Variants in PNPLA1 observed in about 807,000 individuals in gnomAD.
PNPLA1 encodes the protein patatin like domain 1, omega-hydroxyceramide transacylase, also known as omega-hydroxyceramide transacylase.
PNPLA1 carries 36 observed loss-of-function variants against 51.7 expected under a neutral mutation model. That is an observed-to-expected ratio of 0.70 (90% CI 0.53 to 0.92). PNPLA1 has a LOEUF of 0.92. Ranked by LOEUF, PNPLA1 falls within the 40% of genes least tolerant of loss-of-function variation. PNPLA1 has a pLI of 0.00. For synonymous variants in PNPLA1, 293 were observed against 280.1 expected, an observed-to-expected ratio of 1.05 and a Z score of -0.46; for missense variants, 658 against 682.5, an observed-to-expected ratio of 0.96 and a Z score of 0.40.
chr6:36,250,682 T>C (rs1343488622), intron 1 of PNPLA1, among the ~76,000 whole-genome samples: 1 of 151,992 alleles, frequency 6.6e-6, no homozygotes, highest in Non-Finnish European at 1.5e-5. Context: ...GACAGGCAAG[T>C]TGGTGTTTTA....
At chr6:36,301,767 G>A in intron 5 of PNPLA1, 94 bp from the exon 6 acceptor site, 1 of 1,461,130 alleles carries the variant, frequency 6.8e-7, no homozygotes, top group Non-Finnish European at 9.3e-7. Context: ...GAAAAGCACT[G>A]TTCCTGTTTA....
rs536638807 is a variant in PNPLA1 at position 36,313,536 on chromosome 6, C to T, written c.*1650C>T. ...GAGGGTTGGGGCTTGGCTGCGGCAA[C>T]AGACCCCACTTAACACAGCCATTCC... On this transcript the variant is annotated 3_prime_UTR_variant, in exon 9 of 9. Transcript: ENST00000636260. Among the ~76,000 whole-genome samples, 4 of 152,344 alleles carry T rather than the reference C, an allele frequency of 2.6e-5. No homozygotes were observed. Among genetic ancestry groups the T allele is most frequent in the South Asian group, 4.1e-4 (2 of 4,832 alleles).
At chr6:36,306,450 A>G (rs1771240503) in intron 7 of PNPLA1, 74 bp downstream of exon 7, 1 of 1,330,112 alleles carries the variant, frequency 7.5e-7, no homozygotes, top group Non-Finnish European at 1.1e-6. Flanking sequence ...GATATCTTCC[A>G]CCACCTTAGC....
intron 1 of PNPLA1, among the ~76,000 whole-genome samples, chr6:36,262,806 T>C (rs568928260): frequency 2.1e-4 from 32 of 152,272 alleles, no homozygotes; most frequent in Non-Finnish European, 4.7e-4. Context: ...TTTCAGTAGC[T>C]GCAGAGAATT....
intron 1 of PNPLA1, among the ~76,000 whole-genome samples, chr6:36,263,676 T>C (rs1450514752): frequency 6.6e-6 from 1 of 151,820 alleles, no homozygotes; most frequent in African/African-American, 2.4e-5. Flanking sequence ...GAATTTTTGA[T>C]GTTCTGGCAT....
At chr6:36,276,426 A>C (rs899313279) in intron 1 of PNPLA1, among the ~76,000 whole-genome samples, 7 of 152,130 alleles carry the variant, frequency 4.6e-5, no homozygotes, top group Non-Finnish European at 8.8e-5. Flanking sequence ...AAGGCACATG[A>C]AAATGTTGTA....
Position 36,294,011 on chromosome 6 carries a change from C to T in PNPLA1, c.505-179C>T, listed in dbSNP as rs1445928078. Reference sequence around the variant, plus strand: ...GGCCAATGCAGACTCACTAAGTGACCAGGGGCACACCACGCACCCACCAGG... The same window carrying T: ...GGCCAATGCAGACTCACTAAGTGACTAGGGGCACACCACGCACCCACCAGG... On this transcript the variant is annotated intron_variant, in intron 3 of 8. Coordinates refer to ENST00000636260, the MANE Select transcript of PNPLA1 (RefSeq NM_001374623.1). The surrounding 1 kb of genome is among the most constrained non-coding windows in gnomAD (Gnocchi z 4.2). 3.3e-5 allele frequency among the ~76,000 whole-genome samples: 5 copies of T among 152,136 alleles called. No homozygotes were observed. The highest frequency in any genetic ancestry group is 1.2e-4 in the African/African-American group (5 of 41,420).
upstream of PNPLA1, among the ~76,000 whole-genome samples, chr6:36,269,242 T>C (rs1769836079): frequency 6.6e-6 from 1 of 152,198 alleles, no homozygotes; most frequent in Non-Finnish European, 1.5e-5. Context: ...CCTGTTGCTG[T>C]GTGGTCTTTG....
chr6:36,247,705 AG>A (rs1463814002), intron 1 of PNPLA1, among the ~76,000 whole-genome samples: 1 of 152,222 alleles, frequency 6.6e-6, no homozygotes, highest in Non-Finnish European at 1.5e-5. Flanking sequence ...GGCCAAGCCC[AG>A]GGGCTCCTCC....
intron 1 of PNPLA1, among the ~76,000 whole-genome samples, chr6:36,290,169 T>G (rs778678076): frequency 6.6e-6 from 1 of 152,208 alleles, no homozygotes; most frequent in African/African-American, 2.4e-5. Flanking sequence ...ATGTAGCCAT[T>G]GCTACATGAC....
At chr6:36,253,842 G>T (rs550487169) in intron 1 of PNPLA1, among the ~76,000 whole-genome samples, 1 of 152,148 alleles carries the variant, frequency 6.6e-6, no homozygotes, top group African/African-American at 2.4e-5. Context: ...TGAGAATTTT[G>T]TTCAACATTT....
intron 1 of PNPLA1, among the ~76,000 whole-genome samples, chr6:36,289,162 C>T (rs928799614): frequency 6.6e-6 from 1 of 152,118 alleles, no homozygotes; most frequent in Admixed American, 6.5e-5. Flanking sequence ...AGTTTTTCCA[C>T]AATAAGCATG....
intron 8 of PNPLA1, among the ~76,000 whole-genome samples, chr6:36,310,073 A>G (rs1279889004): frequency 1.3e-5 from 2 of 152,224 alleles, no homozygotes; most frequent in African/African-American, 4.8e-5. Flanking sequence ...AAACTGTATT[A>G]GTCAGTTGTT....
At chr6:36,292,474 G>T (rs1411734358) in intron 2 of PNPLA1, among the ~76,000 whole-genome samples, 1 of 151,934 alleles carries the variant, frequency 6.6e-6, no homozygotes, top group Non-Finnish European at 1.5e-5. Context: ...CTGGGTCTTT[G>T]CACCTGCCGC....
At chr6:36,302,691 C>G (rs1343253682) in intron 6 of PNPLA1, among the ~76,000 whole-genome samples, 1 of 152,168 alleles carries the variant, frequency 6.6e-6, no homozygotes, top group African/African-American at 2.4e-5. Context: ...AGTGCGATCC[C>G]CCTACCGGCA....
At chr6:36,262,946 C>A (rs184660820) in intron 1 of PNPLA1, among the ~76,000 whole-genome samples, 1 of 152,248 alleles carries the variant, frequency 6.6e-6, no homozygotes, top group East Asian at 1.9e-4. Flanking sequence ...TTGGAGGACT[C>A]CTATGAGTAT....
intron 1 of PNPLA1, among the ~76,000 whole-genome samples, chr6:36,273,727 G>GCAAAAAAAA (rs1769999332): frequency 8.4e-5 from 1 of 11,968 alleles, no homozygotes; most frequent in African/African-American, 7.0e-4. Flanking sequence ...AGACCCCATC[G>GCAAAAAAAA]CAAAAAAAAA....
At chr6:36,247,159 C>A (rs1662689460) in intron 1 of PNPLA1, among the ~76,000 whole-genome samples, 1 of 152,148 alleles carries the variant, frequency 6.6e-6, no homozygotes, top group Non-Finnish European at 1.5e-5. Context: ...TTGAGCCCTC[C>A]AGAGAAGCCA....
chr6:36,291,591 G>GGGGGGGGGGGGGGGGGGGA, intron 2 of PNPLA1, 39 bp downstream of exon 2: 1 of 1,220,472 alleles, frequency 8.2e-7, no homozygotes, highest in South Asian at 1.4e-5. Flanking sequence ...CACGGAGGGG[G>GGGGGGGGGGGGGGGGGGGA]CGGGGGAGGG....
Sources: gnomAD v4.1 joint callset for allele counts (sites outside exome capture counted in the v4.1 genomes callset) on GRCh38, gnomAD v4.1.1 for gene constraint, Gnocchi (gnomAD v3.1) non-coding constraint, MANE v1.5 for transcripts, NCBI Gene and HGNC (gene_info 2026-07-23, HGNC 2026-07-21) for gene names.